The following MKNK1 variants were observed in gnomAD, a reference collection of about 807,000 sequenced individuals.
MKNK1 encodes the protein MAP kinase-interacting serine/threonine-protein kinase 1.
Under a neutral mutation model 49.3 loss-of-function variants are expected in MKNK1, and 30 were observed. The observed-to-expected ratio is 0.61, with a 90% CI of 0.46 to 0.83. MKNK1 has a LOEUF of 0.83. MKNK1 is among the 40% of genes least tolerant of loss of function. The probability of loss-of-function intolerance (pLI) is 0.00; values close to 1 mark genes in which losing one functional copy is unlikely to be tolerated. For missense variants in MKNK1, 423 were observed against 524.7 expected (o/e 0.81, Z 1.89); for synonymous variants, 176 against 201.7 (o/e 0.87, Z 1.08).
intron 8 of MKNK1, 184 bp downstream of exon 8, chr1:46,568,259 G>A: frequency 3.3e-6 from 2 of 605,538 alleles, no homozygotes; most frequent in African/African-American, 1.9e-5. Context: ...TGATGATCAA[G>A]AGCGAAGAAA....
chr1:46,570,018 A>C (rs1429939878), intron 7 of MKNK1: 3 of 152,130 alleles, frequency 2.0e-5, no homozygotes, highest in Non-Finnish European at 4.4e-5. Flanking sequence ...AAAGTATGGA[A>C]CTTGTTTCAG....
At chr1:46,573,355 T>C (rs1670481439) in intron 6 of MKNK1, among the ~76,000 whole-genome samples, 1 of 152,224 alleles carries the variant, frequency 6.6e-6, no homozygotes, top group African/African-American at 2.4e-5. Flanking sequence ...CCCATCTGCA[T>C]GTAGCATTTC....
intron 1 of MKNK1, among the ~76,000 whole-genome samples, chr1:46,599,453 T>A (rs1674465973): frequency 6.6e-6 from 1 of 152,212 alleles, no homozygotes; most frequent in Non-Finnish European, 1.5e-5. Context: ...TAGCTAAGGA[T>A]GGCAATGCAC....
chr1:46,576,475 T>G, intron 5 of MKNK1, 100 bp downstream of exon 5: 3 of 962,610 alleles, frequency 3.1e-6, no homozygotes, highest in Non-Finnish European at 5.0e-6. Context: ...GGGACAGGAG[T>G]GAGAGCTAAA....
intron 11 of MKNK1, 149 bp from the exon 12 acceptor site, chr1:46,560,426 A>G (rs1667745718): frequency 1.2e-6 from 1 of 805,698 alleles, no homozygotes; most frequent in African/African-American, 1.7e-5. Flanking sequence ...AGGCCTTCCA[A>G]GCAGAGAGCA....
intron 2 of MKNK1, among the ~76,000 whole-genome samples, chr1:46,592,137 G>A (rs1673426242): frequency 6.6e-6 from 1 of 152,218 alleles, no homozygotes; most frequent in African/African-American, 2.4e-5. Context: ...TTACTCAGGA[G>A]ACTGAAGCAG....
chr1:46,586,034 G>GT, intron 2 of MKNK1: 7 of 783,392 alleles, frequency 8.9e-6, no homozygotes, highest in Non-Finnish European at 1.4e-5. Context: ...TAGCTTCCCT[G>GT]GTTACACAGG....
At chr1:46,574,684 G>T in intron 6 of MKNK1, 1 of 390,308 alleles carries the variant, frequency 2.6e-6, no homozygotes. Context: ...TTGATAAATC[G>T]ATGACTAAAT....
At chr1:46,586,042 AGG>A in intron 2 of MKNK1, 8 of 708,316 alleles carry the variant, frequency 1.1e-5, no homozygotes, top group Non-Finnish European at 1.8e-5. Flanking sequence ...CTGGTTACAC[AGG>A]GGGAAGCGAG....
At chr1:46,574,750 G>T in intron 6 of MKNK1, 197 bp downstream of exon 6, 1 of 544,838 alleles carries the variant, frequency 1.8e-6, no homozygotes, top group Non-Finnish European at 3.3e-6. Flanking sequence ...TACCCACACA[G>T]GTGACATTCT....
intron 2 of MKNK1, chr1:46,585,702 G>A: frequency 4.4e-6 from 2 of 452,688 alleles, no homozygotes; most frequent in Non-Finnish European, 9.1e-6. Flanking sequence ...TAATTCACAG[G>A]GGACACTCAG....
Position 46,576,599 on chromosome 1 carries a change from G to A in MKNK1, c.254C>T (p.Thr85Met), listed in dbSNP as rs370188909. The A allele has an allele frequency of 2.9e-5, 47 of 1,613,850 alleles. No homozygotes were observed. The highest frequency in any genetic ancestry group is 5.0e-5 in the Admixed American group (3 of 60,000). ...CTTGTTTCCCTGACACTGATACAGC[G>A]TCTCCACCTCTCGAAACACCCTACT... ...SRSRVFREVE[T>M]LYQCQGNKNI... The change falls in exon 5 of 13, where the codon ACG becomes ATG. Residue 85 changes from threonine to methionine, a missense_variant. Physicochemically the swap from Thr to Met is moderately conservative, Grantham distance 81. Transcript: ENST00000371945.
At chr1:46,566,810 C>T (rs758265570) in intron 8 of MKNK1, among the ~76,000 whole-genome samples, 9 of 152,086 alleles carry the variant, frequency 5.9e-5, no homozygotes, top group African/African-American at 1.4e-4. Context: ...GTTCAAGTCC[C>T]GTGTCCATTT....
chr1:46,564,044 CAAA>C (rs1217205121), intron 9 of MKNK1, among the ~76,000 whole-genome samples: 4 of 39,076 alleles, frequency 1.0e-4, no homozygotes, highest in African/African-American at 1.1e-4. Context: ...GACTCTGTCT[CAAA>C]AAAAAAAAAA....
At position 46,557,982 on chromosome 1, in the gene MKNK1, G is replaced by C. The variant is rs1667276354; in HGVS notation, c.*593C>G. 1 of 152,730 alleles carries C rather than the reference G, an allele frequency of 6.5e-6. No individual in the cohort carries two copies. The highest frequency in any genetic ancestry group is 1.5e-5 in the Non-Finnish European group (1 of 68,148). The allele number at this position is 152,730 out of a possible 1,614,324, so 9.5% of individuals were successfully genotyped here. A position where few individuals can be genotyped will look rare whatever the true frequency, so the allele number is the denominator to read the frequency against. On this transcript the variant is annotated 3_prime_UTR_variant, in exon 13 of 13. Coordinates refer to ENST00000371945, the MANE Select transcript of MKNK1 (RefSeq NM_001135553.4). Reference sequence around the variant, plus strand: ...ATACATTTCAGTCACAGCAAAGAAAGATTATGTGCTTTTCCGTGCTGCAGA... The same window carrying C: ...ATACATTTCAGTCACAGCAAAGAAACATTATGTGCTTTTCCGTGCTGCAGA...
At chr1:46,585,321 A>T (rs1672396104) in intron 2 of MKNK1, among the ~76,000 whole-genome samples, 1 of 140,892 alleles carries the variant, frequency 7.1e-6, no homozygotes. Flanking sequence ...CTCAACACCC[A>T]CCCTCACCAA....
intron 2 of MKNK1, among the ~76,000 whole-genome samples, chr1:46,590,592 T>C (rs1414047089): frequency 6.6e-6 from 1 of 152,260 alleles, no homozygotes; most frequent in Admixed American, 6.5e-5. Flanking sequence ...CTAGATGGTC[T>C]GGCTCAGAAT....
intron 8 of MKNK1, 172 bp downstream of exon 8, chr1:46,568,271 G>T: frequency 1.6e-6 from 1 of 630,360 alleles, no homozygotes; most frequent in East Asian, 2.8e-5. Context: ...GCGAAGAAAG[G>T]ACGAGGATGG....
chr1:46,562,595 A>C, intron 10 of MKNK1, 54 bp downstream of exon 10: 1 of 1,514,244 alleles, frequency 6.6e-7, no homozygotes. Flanking sequence ...GGCATCCCCC[A>C]ACCACACTGA....
Sources: gnomAD v4.1 joint callset for allele counts (sites outside exome capture counted in the v4.1 genomes callset) on GRCh38, gnomAD v4.1.1 for gene constraint, MANE v1.5 for transcripts, NCBI Gene and HGNC (gene_info 2026-07-23, HGNC 2026-07-21) for gene names.